Variants in SNX25 observed in about 807,000 individuals in gnomAD.
SNX25 encodes sorting nexin 25.
In SNX25, 62 loss-of-function variants were observed where a neutral mutation model predicts 113.7. The observed-to-expected ratio is 0.55, with a 90% CI of 0.44 to 0.67. The LOEUF (loss-of-function observed/expected upper bound fraction) is 0.67. Ranked by LOEUF, SNX25 falls within the 30% of genes least tolerant of loss-of-function variation. The pLI, the probability that SNX25 is intolerant of heterozygous loss-of-function variation, is 0.00. For missense variants in SNX25, 1,014 were observed against 1,161.0 expected, an observed-to-expected ratio of 0.87 and a Z score of 1.84; for synonymous variants, 421 against 436.2, an observed-to-expected ratio of 0.97 and a Z score of 0.43.
At chr4:185,305,174 C>T (rs1754285148) in intron 6 of SNX25, among the ~76,000 whole-genome samples, 1 of 152,140 alleles carries the variant, frequency 6.6e-6, no homozygotes, top group South Asian at 2.1e-4. Context: ...AGGGATGCTA[C>T]TGGCATCTAG....
downstream of SNX25, chr4:185,366,131 T>C (rs1402713455): frequency 6.6e-6 from 1 of 152,262 alleles, no homozygotes; most frequent in Non-Finnish European, 1.5e-5. Flanking sequence ...GTCTTCGATA[T>C]GTATATTTGT....
At chr4:185,374,962 T>C (rs931753263), downstream of SNX25, among the ~76,000 whole-genome samples, 1 of 152,152 alleles carries the variant, frequency 6.6e-6, no homozygotes, top group Non-Finnish European at 1.5e-5. Flanking sequence ...TATGCACTAA[T>C]ACGACATCTG....
chr4:185,259,840 C>A (rs749251078), intron 3 of SNX25, among the ~76,000 whole-genome samples: 14 of 152,138 alleles, frequency 9.2e-5, no homozygotes, highest in Non-Finnish European at 1.9e-4. Flanking sequence ...TAGATGGTGT[C>A]CCCCTTCTGC....
At chr4:185,322,549 A>T (rs891880072) in intron 8 of SNX25, among the ~76,000 whole-genome samples, 1 of 152,224 alleles carries the variant, frequency 6.6e-6, no homozygotes, top group Non-Finnish European at 1.5e-5. Context: ...TTTGTTAAGG[A>T]ACTAAATCCA....
intron 11 of SNX25, among the ~76,000 whole-genome samples, chr4:185,340,826 G>A (rs2095256175): frequency 6.6e-6 from 1 of 152,148 alleles, no homozygotes; most frequent in Non-Finnish European, 1.5e-5. Context: ...TCTGGCTGGT[G>A]AAAAGATAGT....
chr4:185,221,065 C>T (rs1341750725), intron 1 of SNX25, among the ~76,000 whole-genome samples: 1 of 151,036 alleles, frequency 6.6e-6, no homozygotes, highest in Non-Finnish European at 1.5e-5. Flanking sequence ...CAGGATCTGG[C>T]TCTGTTGCCC....
At chr4:185,364,714 C>T (rs942184543), downstream of SNX25, 18 of 151,758 alleles carry the variant, frequency 1.2e-4, no homozygotes, top group African/African-American at 4.4e-4. Context: ...AAAAAATACC[C>T]AAAGTTGGCT....
downstream of SNX25, chr4:185,373,104 T>G: frequency 6.3e-7 from 1 of 1,576,208 alleles, no homozygotes. Context: ...GTTTCATCAT[T>G]GTATTTGTGA....
intron 6 of SNX25, among the ~76,000 whole-genome samples, chr4:185,291,352 A>G (rs1026242493): frequency 3.3e-5 from 5 of 152,122 alleles, no homozygotes; most frequent in African/African-American, 7.2e-5. Context: ...CCGTTAAACA[A>G]TAGCTCCACT....
chr4:185,212,686 G>T (rs60967284), intron 1 of SNX25, among the ~76,000 whole-genome samples: 3,525 of 152,180 alleles, frequency 0.023, 119 homozygotes, highest in African/African-American at 0.081. Context: ...GAATGGAAGA[G>T]TGGGAAGCAG....
chr4:185,233,283 TA>T (rs70962558), intron 1 of SNX25, among the ~76,000 whole-genome samples: 77,224 of 145,878 alleles, frequency 0.53, 20,958 homozygotes, highest in East Asian at 0.62. Context: ...AGACTTAGTC[TA>T]AAAAAAAAAA....
intron 3 of SNX25, among the ~76,000 whole-genome samples, chr4:185,260,818 G>C (rs1349109224): frequency 6.6e-6 from 1 of 152,152 alleles, no homozygotes; most frequent in Non-Finnish European, 1.5e-5. Context: ...GCTGCCTATA[G>C]AGAAAGTAAC....
At chr4:185,335,774 T>A (rs1459938411) in intron 10 of SNX25, among the ~76,000 whole-genome samples, 1 of 152,166 alleles carries the variant, frequency 6.6e-6, no homozygotes, top group East Asian at 1.9e-4. Flanking sequence ...AAGTGATGAG[T>A]AAATGCATGG....
chr4:185,278,145 C>T (rs530470772), intron 5 of SNX25, among the ~76,000 whole-genome samples: 1 of 152,306 alleles, frequency 6.6e-6, no homozygotes, highest in South Asian at 2.1e-4. Context: ...TGAGGTGGCA[C>T]AAGCCTCAGG....
chr4:185,218,755 A>T (rs1234295854), intron 1 of SNX25, among the ~76,000 whole-genome samples: 1 of 152,222 alleles, frequency 6.6e-6, no homozygotes, highest in Non-Finnish European at 1.5e-5. Flanking sequence ...TAGACTTCCT[A>T]TTTTAGTGTA....
At chr4:185,243,717 C>T (rs1744420970) in intron 1 of SNX25, among the ~76,000 whole-genome samples, 1 of 152,016 alleles carries the variant, frequency 6.6e-6, no homozygotes, top group Non-Finnish European at 1.5e-5. Context: ...AATGAAAGGC[C>T]TTATTCAGAT....
At chr4:185,343,862 AAG>A (rs1309323006) in intron 12 of SNX25, among the ~76,000 whole-genome samples, 3 of 152,174 alleles carry the variant, frequency 2.0e-5, no homozygotes, top group Non-Finnish European at 1.5e-5. Context: ...GCGTGACAAA[AAG>A]AGAGTGAGAT....
chr4:185,315,700 C>CT (rs2095068604), intron 7 of SNX25, among the ~76,000 whole-genome samples: 1 of 152,072 alleles, frequency 6.6e-6, no homozygotes, highest in Non-Finnish European at 1.5e-5. Flanking sequence ...TAGGAGGAGA[C>CT]TAGCACAATT....
intron 16 of SNX25, among the ~76,000 whole-genome samples, chr4:185,361,458 C>T (rs1377253326): frequency 6.6e-6 from 1 of 152,132 alleles, no homozygotes; most frequent in African/African-American, 2.4e-5. Context: ...AAAAAATGGG[C>T]CAGGCACGGT....
Sources: gnomAD v4.1 joint callset for allele counts (sites outside exome capture counted in the v4.1 genomes callset) on GRCh38, gnomAD v4.1.1 for gene constraint, MANE v1.5 for transcripts, NCBI Gene and HGNC (gene_info 2026-07-23, HGNC 2026-07-21) for gene names.